Variants in CNTNAP5 observed in about 807,000 individuals in gnomAD.
CNTNAP5 encodes the protein contactin-associated protein-like 5.
Under a neutral mutation model 150.2 loss-of-function variants are expected in CNTNAP5, and 72 were observed. The observed-to-expected ratio is 0.48, with a 90% confidence interval of 0.40 to 0.58. The LOEUF is 0.58. CNTNAP5 is among the 20% of genes least tolerant of loss of function. The pLI, the probability that CNTNAP5 is intolerant of heterozygous loss-of-function variation, is 0.00. For missense variants in CNTNAP5, 1,636 were observed against 1,626.2 expected, an observed-to-expected ratio of 1.01 and a Z score of -0.10; for synonymous variants, 672 against 619.8, an observed-to-expected ratio of 1.08 and a Z score of -1.25.
At chr2:124,047,471 A>G (rs1681569164) in intron 1 of CNTNAP5, among the ~76,000 whole-genome samples, 1 of 152,234 alleles carries the variant, frequency 6.6e-6, no homozygotes, top group Non-Finnish European at 1.5e-5. Context: ...ACATTTTCCC[A>G]TTCAACATCA....
intron 8 of CNTNAP5, among the ~76,000 whole-genome samples, chr2:124,517,893 T>A (rs1021787479): frequency 4.6e-5 from 7 of 151,368 alleles, no homozygotes; most frequent in Non-Finnish European, 8.8e-5. Flanking sequence ...TGATGGAGGG[T>A]TGTGGTATTG....
intron 11 of CNTNAP5, among the ~76,000 whole-genome samples, chr2:124,577,680 A>G (rs1696316974): frequency 6.6e-6 from 1 of 152,166 alleles, no homozygotes; most frequent in Non-Finnish European, 1.5e-5. Flanking sequence ...GCTAAATTGA[A>G]TATAGGAAAT....
chr2:124,151,354 C>T (rs1684402107), intron 1 of CNTNAP5, among the ~76,000 whole-genome samples: 1 of 150,870 alleles, frequency 6.6e-6, no homozygotes, highest in African/African-American at 2.4e-5. Flanking sequence ...TGCCAGATCT[C>T]CACAGTGACT....
intron 10 of CNTNAP5, among the ~76,000 whole-genome samples, chr2:124,559,796 T>C (rs1408910961): frequency 6.6e-6 from 1 of 152,136 alleles, no homozygotes; most frequent in Non-Finnish European, 1.5e-5. Context: ...AATAAGAAAA[T>C]TGGTGTCATG....
At chr2:124,744,247 A>T (rs1304666584) in intron 13 of CNTNAP5, among the ~76,000 whole-genome samples, 1 of 152,080 alleles carries the variant, frequency 6.6e-6, no homozygotes, top group African/African-American at 2.4e-5. Context: ...TGATGATTTT[A>T]TAAGGGGTTT....
chr2:124,470,083 A>G (rs1481668393), intron 6 of CNTNAP5, among the ~76,000 whole-genome samples: 1 of 152,140 alleles, frequency 6.6e-6, no homozygotes, highest in East Asian at 1.9e-4. Flanking sequence ...TCCTTTGGGT[A>G]TATACCCAGT....
intron 11 of CNTNAP5, among the ~76,000 whole-genome samples, chr2:124,584,187 T>C (rs1159619910): frequency 6.6e-6 from 1 of 152,218 alleles, no homozygotes; most frequent in Admixed American, 6.5e-5. Context: ...GTTTACAAAA[T>C]GCATAATGTT....
intron 3 of CNTNAP5, among the ~76,000 whole-genome samples, chr2:124,387,386 C>T (rs1690956571): frequency 6.6e-6 from 1 of 152,232 alleles, no homozygotes. Context: ...TGTGAAGAGA[C>T]TACCAAACAG....
Position 124,534,717 on chromosome 2 carries a change from C to CA in CNTNAP5, c.1649+7269dup, listed in dbSNP as rs201477150. Among the ~76,000 whole-genome samples the CA allele has an allele frequency of 2.6e-3, 396 of 151,594 alleles. 2 individuals are homozygous for CA. Among genetic ancestry groups the CA allele is most frequent in the African/African-American group, 8.9e-3 (367 of 41,352 alleles). On this transcript the variant is annotated intron_variant, in intron 10 of 23. Transcript: ENST00000682447. ...GCGAAACCCCGTCTCTACTGAAATA[C>CA]AAAAAAAACAAAAAATGTAATGAAC... is the stretch of plus-strand genomic sequence containing the variant.
At chr2:124,491,825 G>T (rs935899140) in intron 7 of CNTNAP5, among the ~76,000 whole-genome samples, 3 of 151,130 alleles carry the variant, frequency 2.0e-5, no homozygotes, top group Admixed American at 2.0e-4. Flanking sequence ...GTTTCAACTT[G>T]CATTGTGGTT....
intron 1 of CNTNAP5, among the ~76,000 whole-genome samples, chr2:124,158,278 A>G (rs1265324462): frequency 6.6e-6 from 1 of 152,172 alleles, no homozygotes; most frequent in African/African-American, 2.4e-5. Flanking sequence ...GCCTAGTACA[A>G]CCATCCCTCT....
chr2:124,793,505 T>C (rs548724801), intron 18 of CNTNAP5, among the ~76,000 whole-genome samples: 49 of 152,328 alleles, frequency 3.2e-4, no homozygotes, highest in South Asian at 1.4e-3. Context: ...TCATAGTATC[T>C]TTTGAAACAC....
At chr2:124,261,795 A>C (rs1384094422) in intron 3 of CNTNAP5, among the ~76,000 whole-genome samples, 1 of 152,230 alleles carries the variant, frequency 6.6e-6, no homozygotes, top group Non-Finnish European at 1.5e-5. Context: ...CTTGAGTAAG[A>C]GAAGAAAATG....
intron 6 of CNTNAP5, among the ~76,000 whole-genome samples, chr2:124,463,825 G>A (rs372466641): frequency 5.2e-4 from 79 of 152,238 alleles, no homozygotes; most frequent in African/African-American, 1.8e-3. Flanking sequence ...GGGGGACACT[G>A]TGTGTGTGGC....
chr2:124,677,981 G>A (rs78341595), intron 13 of CNTNAP5, among the ~76,000 whole-genome samples: 3,577 of 152,002 alleles, frequency 0.024, 134 homozygotes, highest in African/African-American at 0.08. Flanking sequence ...AGAATTCTGC[G>A]TTGCAGTTTT....
chr2:124,692,895 C>T (rs1679328407), intron 13 of CNTNAP5, among the ~76,000 whole-genome samples: 1 of 152,118 alleles, frequency 6.6e-6, no homozygotes, highest in East Asian at 1.9e-4. Flanking sequence ...GAGTTGGCCT[C>T]TTCTTGTTCA....
intron 14 of CNTNAP5, among the ~76,000 whole-genome samples, chr2:124,750,843 G>A (rs973824144): frequency 2.6e-5 from 4 of 152,072 alleles, no homozygotes; most frequent in African/African-American, 9.6e-5. Flanking sequence ...AATTAGCTGG[G>A]CATGGTGGTG....
chr2:124,496,382 C>T (rs1395953798), intron 7 of CNTNAP5, among the ~76,000 whole-genome samples: 5 of 152,176 alleles, frequency 3.3e-5, no homozygotes, highest in Non-Finnish European at 7.4e-5. Flanking sequence ...GAAATCTTTC[C>T]CCGCAAATTA....
At chr2:124,233,138 T>C (rs1686665572) in intron 2 of CNTNAP5, among the ~76,000 whole-genome samples, 1 of 151,982 alleles carries the variant, frequency 6.6e-6, no homozygotes, top group African/African-American at 2.4e-5. Context: ...GGCTGCCAGA[T>C]TTAATTCAAC....
Sources: gnomAD v4.1 joint callset for allele counts (sites outside exome capture counted in the v4.1 genomes callset) on GRCh38, gnomAD v4.1.1 for gene constraint, MANE v1.5 for transcripts, NCBI Gene and HGNC (gene_info 2026-07-23, HGNC 2026-07-21) for gene names.